Variants in PRKAG2 observed in about 807,000 individuals in gnomAD.
PRKAG2 encodes the protein 5'-AMP-activated protein kinase subunit gamma-2.
A neutral mutation model predicts 69.6 loss-of-function variants in PRKAG2; 26 were observed. The observed-to-expected ratio is 0.37, with a 90% CI of 0.27 to 0.52. The LOEUF (loss-of-function observed/expected upper bound fraction) is 0.52. PRKAG2 is among the 20% of genes least tolerant of loss of function. The pLI is 0.90. For synonymous variants in PRKAG2, 293 were observed against 285.0 expected (o/e 1.03, Z -0.28); for missense variants, 557 against 740.0 (o/e 0.75, Z 2.87).
At chr7:151,824,605 G>A (rs1345208719) in intron 1 of PRKAG2, among the ~76,000 whole-genome samples, 1 of 152,116 alleles carries the variant, frequency 6.6e-6, no homozygotes, top group Non-Finnish European at 1.5e-5. Context: ...CCACTTCCCA[G>A]TGGAAGCTTT....
rs150140412 is a variant in PRKAG2 at position 151,781,187 on chromosome 7, G to A, written c.431C>T (p.Pro144Leu). Residue 144 changes from proline (P) to leucine (L), a missense_variant, in exon 3 of 16, where the codon CCC becomes CTC. Physicochemically the swap from Pro to Leu is moderately conservative, Grantham distance 98. Around this residue, in one of 2 missense-constraint regions of PRKAG2, gnomAD observed 352 missense variants for 356.7 expected, o/e 0.99. Coordinates refer to ENST00000287878, the MANE Select transcript of PRKAG2 (RefSeq NM_016203.4). This position sits in a 1 kb window ranked among gnomAD's most constrained non-coding sequence, Gnocchi z 6.1. ...SSPNSNPATS[P>L]GGIRFFSRSR... ...GCGGGAGAAAAACCTGATGCCCCCG[G>A]GCGAGGTAGCAGGGTTGGAGTTGGG... is the stretch of plus-strand genomic sequence containing the variant. 5.5e-5 allele frequency: 88 copies of A among 1,613,988 alleles called. No homozygotes were observed. Among genetic ancestry groups the A allele is most frequent in the Non-Finnish European group, 7.4e-5 (87 of 1,180,046 alleles).
intron 5 of PRKAG2, among the ~76,000 whole-genome samples, chr7:151,607,263 C>A (rs958807460): frequency 6.6e-6 from 1 of 151,902 alleles, no homozygotes; most frequent in South Asian, 2.1e-4. Flanking sequence ...AATCTGATTA[C>A]ATAATATGCT....
At chr7:151,579,426 C>T (rs1020882030) in intron 6 of PRKAG2, among the ~76,000 whole-genome samples, 3 of 152,114 alleles carry the variant, frequency 2.0e-5, no homozygotes, top group African/African-American at 7.2e-5. Context: ...ATTCATGAAA[C>T]CCTAAGTAGC....
chr7:151,702,557 C>G (rs993560168), intron 3 of PRKAG2, among the ~76,000 whole-genome samples: 2 of 152,232 alleles, frequency 1.3e-5, no homozygotes, highest in Non-Finnish European at 2.9e-5. Flanking sequence ...GGAAGCCCAT[C>G]AGGGCACTGC....
chr7:151,568,661 C>T lies in PRKAG2; in HGVS notation c.1233+55G>A, dbSNP rs1006571202. On this transcript the variant is annotated intron_variant, in intron 11 of 15. Transcript: ENST00000287878. Reference sequence around the variant, plus strand: ...AACAGGAGCCAATTTACTTGAAGTACATTATTTAATAAGTAAATGCAATTA... The same window carrying T: ...AACAGGAGCCAATTTACTTGAAGTATATTATTTAATAAGTAAATGCAATTA... The T allele has an allele frequency of 3.8e-6, 6 of 1,585,436 alleles. No individual in the cohort carries two copies. The African/African-American group carries it at 6.7e-5, about 18-fold the overall frequency.
At chr7:151,624,182 T>A (rs6965024) in intron 5 of PRKAG2, among the ~76,000 whole-genome samples, 75,494 of 131,658 alleles carry the variant, frequency 0.57, 19,569 homozygotes, top group African/African-American at 0.65. Flanking sequence ...ATATATATAT[T>A]TTTTTTTTCA....
intron 10 of PRKAG2, among the ~76,000 whole-genome samples, chr7:151,569,440 C>T (rs73727853): frequency 0.036 from 5,464 of 152,262 alleles, 338 homozygotes; most frequent in African/African-American, 0.12. Context: ...GGCAAGAGAG[C>T]AAAGGCTGTA....
At position 151,565,784 on chromosome 7, in the gene PRKAG2, G is replaced by A. The variant is rs781153622; in HGVS notation, c.1335C>T (p.Ile445=). The A allele has an allele frequency of 4.3e-5, 69 of 1,613,010 alleles. No homozygotes were observed. Among genetic ancestry groups the A allele is most frequent in the Non-Finnish European group, 5.4e-5 (64 of 1,179,076 alleles). The change falls in exon 12 of 16, where the codon ATC becomes ATT. Residue 445 remains isoleucine (I), a synonymous_variant. Transcript: ENST00000287878. The part of the protein sequence containing the change: ...NIAFIHPDTP[I]IKALNIFVER... ...CCACAAATATGTTCAAGGCTTTGAT[G>A]ATGGGAGTGTCTGGATGTATGAAGG...
chr7:151,670,084 ACACATACCTGCATG>A (rs1831753793), intron 4 of PRKAG2, among the ~76,000 whole-genome samples: 1 of 144,304 alleles, frequency 6.9e-6, no homozygotes, highest in Non-Finnish European at 1.5e-5. Context: ...ACCTGCATGC[ACACATACCTGCATG>A]CACATACACC....
chr7:151,749,537 G>A (rs7779158), intron 3 of PRKAG2, among the ~76,000 whole-genome samples: 43,058 of 152,016 alleles, frequency 0.28, 6,091 homozygotes, highest in Admixed American at 0.31. Context: ...CAGCTCACAG[G>A]AAAGGAGAAA....
intron 1 of PRKAG2, among the ~76,000 whole-genome samples, chr7:151,793,971 A>G (rs1485215461): frequency 6.6e-6 from 1 of 152,224 alleles, no homozygotes; most frequent in Non-Finnish European, 1.5e-5. Context: ...TACTTTCCAC[A>G]GAGGACACCG....
At position 151,570,623 on chromosome 7, in the gene PRKAG2, C is replaced by T. The variant is rs190741753; in HGVS notation, c.1052-398G>A. On this transcript the variant is annotated intron_variant, in intron 9 of 15. Coordinates refer to ENST00000287878, the MANE Select transcript of PRKAG2 (RefSeq NM_016203.4). ...ATTTCCATAAGTTATAAGATAAAATCAGTTATGACAAACTTTGTTCTTTAA... is the reference window on the plus strand; with the variant it reads ...ATTTCCATAAGTTATAAGATAAAATTAGTTATGACAAACTTTGTTCTTTAA... Among the ~76,000 whole-genome samples the T allele has an allele frequency of 1.6e-3, 251 of 152,262 alleles. 9 individuals carry two copies. The highest frequency in any genetic ancestry group is 0.016 in the Admixed American group (238 of 15,282).
intron 3 of PRKAG2, among the ~76,000 whole-genome samples, chr7:151,755,829 C>A (rs377502571): frequency 6.6e-6 from 1 of 152,210 alleles, no homozygotes; most frequent in African/African-American, 2.4e-5. Context: ...ACGGGGGCCA[C>A]GGCCCCTCAC....
intron 5 of PRKAG2, among the ~76,000 whole-genome samples, chr7:151,611,307 G>A (rs1818798403): frequency 6.6e-6 from 1 of 152,150 alleles, no homozygotes; most frequent in Non-Finnish European, 1.5e-5. Flanking sequence ...ATTATGCGAA[G>A]ATTTTGTCCA....
intron 6 of PRKAG2, among the ~76,000 whole-genome samples, chr7:151,589,418 T>C (rs1812501098): frequency 6.6e-6 from 1 of 152,178 alleles, no homozygotes; most frequent in African/African-American, 2.4e-5. Context: ...CCGTTTTGGA[T>C]TCGGGTCTCA....
rs114401600 is a variant in PRKAG2 at position 151,705,566 on chromosome 7, C to T, written c.467-29929G>A. Among the ~76,000 whole-genome samples, 479 of 152,278 alleles carry T rather than the reference C, an allele frequency of 3.1e-3. 3 individuals are homozygous for T. The highest frequency in any genetic ancestry group is 0.011 in the African/African-American group (458 of 41,566). On this transcript the variant is annotated intron_variant, in intron 3 of 15. Transcript: ENST00000287878. Reference sequence around the variant, plus strand: ...AGGGAGACAGATAGGGGGAGGGCTACGTCTTTTCAGAGAGAAAGAGACGTG... The same window carrying T: ...AGGGAGACAGATAGGGGGAGGGCTATGTCTTTTCAGAGAGAAAGAGACGTG...
rs1271892370 is a variant in PRKAG2 at position 151,793,986 on chromosome 7, T to C, written c.115-7445A>G. ...TACTTTCCACAGAGGACACCGTAGTTTCTCACTACAGCCTAAGCAACTTCC... is the reference window on the plus strand; with the variant it reads ...TACTTTCCACAGAGGACACCGTAGTCTCTCACTACAGCCTAAGCAACTTCC... On this transcript the variant is annotated intron_variant, in intron 1 of 15. Transcript: ENST00000287878. Among the ~76,000 whole-genome samples, 3 of 152,172 alleles carry C rather than the reference T, an allele frequency of 2.0e-5. No homozygotes were observed. The East Asian group carries it at 5.8e-4, about 29-fold the overall frequency.
intron 15 of PRKAG2, chr7:151,557,747 G>C (rs1461376844): frequency 2.7e-5 from 13 of 472,756 alleles, no homozygotes; most frequent in Non-Finnish European, 3.3e-5. Flanking sequence ...GCGGGCGCCT[G>C]TAATCCCAGC....
At chr7:151,837,460 C>CA (rs1262516517) in intron 1 of PRKAG2, 1 of 152,360 alleles carries the variant, frequency 6.6e-6, no homozygotes, top group African/African-American at 2.4e-5. Context: ...ACCCTCCCTC[C>CA]ATCCAACCGT....
Sources: gnomAD v4.1 joint callset for allele counts (sites outside exome capture counted in the v4.1 genomes callset) on GRCh38, gnomAD v4.1.1 for gene constraint, gnomAD v4.1.1 regional missense constraint, Gnocchi (gnomAD v3.1) non-coding constraint, MANE v1.5 for transcripts, NCBI Gene and HGNC (gene_info 2026-07-23, HGNC 2026-07-21) for gene names.